BDP1: variants seen among roughly 807,000 people sequenced by gnomAD.
The protein encoded by BDP1 is transcription factor TFIIIB component B'' homolog.
A neutral mutation model predicts 266.6 loss-of-function variants in BDP1; 169 were observed. That is an observed-to-expected ratio of 0.63 (90% confidence interval 0.56 to 0.72). The LOEUF (loss-of-function observed/expected upper bound fraction) is 0.72, where lower values mean the gene tolerates loss of function less well. Ranked by LOEUF, BDP1 falls within the 30% of genes least tolerant of loss-of-function variation. The pLI is 0.00. For synonymous variants in BDP1, 1,090 were observed against 1,022.4 expected (o/e 1.07, Z -1.26); for missense variants, 3,015 against 3,053.8 (o/e 0.99, Z 0.30).
At position 71,480,018 on chromosome 5, in the gene BDP1, C is replaced by T. The variant is rs551958070; in HGVS notation, c.1015-3824C>T. On this transcript the variant is annotated intron_variant, in intron 7 of 38. Transcript: ENST00000358731. ...AGAGTATAGTGGCGTGATCTTGGCT[C>T]ACTGCAACCTCCGCCTCCCAGGTTC... Among the ~76,000 whole-genome samples the T allele has an allele frequency of 6.6e-5, 10 of 152,066 alleles. No homozygotes were observed. The South Asian group carries it at 1.0e-3, about 16-fold the overall frequency.
chr5:71,573,498 A>C, the BDP1 span, among the ~76,000 whole-genome samples: 18 of 152,310 alleles, frequency 1.2e-4, no homozygotes, highest in Non-Finnish European at 2.9e-5. Flanking sequence ...TTGTTGAAGG[A>C]ATTAAAAGTG....
chr5:71,560,509 G>C (rs1373631331), intron 37 of BDP1, among the ~76,000 whole-genome samples: 2 of 152,078 alleles, frequency 1.3e-5, no homozygotes, highest in Admixed American at 1.3e-4. Flanking sequence ...TGGTTATTTT[G>C]ATCATTACAT....
chr5:71,531,860 G>A (rs768751468), intron 25 of BDP1, among the ~76,000 whole-genome samples: 19 of 152,166 alleles, frequency 1.2e-4, no homozygotes, highest in Non-Finnish European at 1.3e-4. Flanking sequence ...ATTTATGACC[G>A]TATATAATTA....
intron 34 of BDP1, among the ~76,000 whole-genome samples, chr5:71,552,876 A>G (rs1295006864): frequency 6.6e-6 from 1 of 152,096 alleles, no homozygotes; most frequent in Non-Finnish European, 1.5e-5. Context: ...ATTTAATTCA[A>G]TACTATGGAA....
downstream of BDP1, among the ~76,000 whole-genome samples, chr5:71,571,631 A>ATT (rs1271310895): frequency 9.2e-5 from 10 of 108,504 alleles, no homozygotes; most frequent in Non-Finnish European, 1.4e-4. Context: ...GTTTATTTTA[A>ATT]TTAATTATTT....
At chr5:71,553,426 AT>A (rs1408154335) in intron 35 of BDP1, 106 bp downstream of exon 35, 2 of 679,220 alleles carry the variant, frequency 2.9e-6, no homozygotes, top group East Asian at 5.6e-5. Flanking sequence ...ACTTTTAGAT[AT>A]ATATAAAGAT....
At chr5:71,515,325 T>G (rs1339136175) in intron 20 of BDP1, among the ~76,000 whole-genome samples, 1 of 152,216 alleles carries the variant, frequency 6.6e-6, no homozygotes, top group Non-Finnish European at 1.5e-5. Flanking sequence ...ATCTGCATTG[T>G]CAGCTGCGTA....
Position 71,559,969 on chromosome 5 carries a change from C to T in BDP1, c.7241-13C>T, listed in dbSNP as rs567415621. ...TCAGTATCCTTGCTTTCCATTTGCT[C>T]TTTTTTTTGAAGGGGAGTCTCACAA... On this transcript the variant is annotated splice_polypyrimidine_tract_variant and intron_variant, in intron 36 of 38. Transcript: ENST00000358731. 4.4e-5 allele frequency: 71 copies of T among 1,609,512 alleles called. 1 individual carries two copies. The East Asian group carries it at 6.2e-4, about 14-fold the overall frequency.
At chr5:71,547,232 T>G (rs1305985704) in intron 32 of BDP1, among the ~76,000 whole-genome samples, 1 of 152,096 alleles carries the variant, frequency 6.6e-6, no homozygotes, top group East Asian at 1.9e-4. Flanking sequence ...CTCCTTATTT[T>G]CCTTTAATCT....
rs113780254 is a variant in BDP1, at chr5:71,469,762, C to T, written c.920-633C>T. Among the ~76,000 whole-genome samples, 744 of 147,564 alleles carry T rather than the reference C, an allele frequency of 5.0e-3. 7 individuals carry two copies. The highest frequency in any genetic ancestry group is 0.017 in the African/African-American group (695 of 39,950). On this transcript the variant is annotated intron_variant, in intron 6 of 38. Transcript: ENST00000358731. ...CCCAGTAGCTGGGATTACAGGTGCA[C>T]GCCACCACGCCCAGCTCATTTTTTT...
Position 71,491,060 on chromosome 5 carries a change from CAT to C in BDP1, c.1571_1572del (p.Ile524ArgfsTer10). ...KEQMLSCTQN[I>X]DGIVGFASTE... ...AGCAGATGCTTTCCTGCACACAAAA[CAT>C]AGATGGCATTGTGGGTTTTGCCTCC... On this transcript the variant is annotated frameshift_variant, in exon 11 of 39. Transcript: ENST00000358731. LOFTEE classifies it high-confidence loss of function. 1 of 1,614,068 alleles carries C rather than the reference CAT, an allele frequency of 6.2e-7. No individual in the cohort carries two copies. The highest frequency in any genetic ancestry group is 8.5e-7 in the Non-Finnish European group (1 of 1,179,948).
At chr5:71,493,385 G>A (rs1344307887) in intron 11 of BDP1, among the ~76,000 whole-genome samples, 1 of 152,010 alleles carries the variant, frequency 6.6e-6, no homozygotes, top group Non-Finnish European at 1.5e-5. Context: ...TCAGCATCTC[G>A]AGTAGCTGGG....
intron 34 of BDP1, among the ~76,000 whole-genome samples, chr5:71,552,736 G>C (rs868090386): frequency 1.9e-3 from 289 of 152,376 alleles, no homozygotes; most frequent in African/African-American, 6.4e-3. Flanking sequence ...AGGAGAACCA[G>C]GCAGGGAGGC....
At chr5:71,526,031 C>A (rs62360643) in intron 25 of BDP1, among the ~76,000 whole-genome samples, 1 of 152,020 alleles carries the variant, frequency 6.6e-6, no homozygotes, top group African/African-American at 2.4e-5. Flanking sequence ...ACTTCCCAGA[C>A]GGGGTGGCGG....
chr5:71,508,814 G>T (rs1450943065), intron 16 of BDP1, among the ~76,000 whole-genome samples: 2 of 152,206 alleles, frequency 1.3e-5, no homozygotes, highest in Admixed American at 6.5e-5. Flanking sequence ...TGGAGAGCAA[G>T]GTGCTTGCTT....
intron 24 of BDP1, 82 bp from the exon 25 acceptor site, chr5:71,523,857 A>C: frequency 1.5e-6 from 2 of 1,349,964 alleles, no homozygotes; most frequent in Non-Finnish European, 2.0e-6. Flanking sequence ...CTGGAACTGG[A>C]ATTTCACTCT....
At chr5:71,520,137 AT>A (rs1765424741) in intron 22 of BDP1, among the ~76,000 whole-genome samples, 1 of 152,044 alleles carries the variant, frequency 6.6e-6, no homozygotes, top group Non-Finnish European at 1.5e-5. Flanking sequence ...TCTTTTGCCT[AT>A]TCTTTAATCA....
Position 71,513,122 on chromosome 5 carries a change from T to C in BDP1, c.4248-63T>C, listed in dbSNP as rs1263740717. 10 of 1,145,888 alleles carry C rather than the reference T, an allele frequency of 8.7e-6. No individual in the cohort carries two copies. In the East Asian group the frequency reaches 2.4e-4, roughly 27 times the overall value. 71.0% of individuals were successfully genotyped at this position (1,145,888 alleles called of 1,614,324 possible). On this transcript the variant is annotated intron_variant, in intron 18 of 38. Coordinates refer to ENST00000358731, the MANE Select transcript of BDP1 (RefSeq NM_018429.3). ...TTACCGCCAGTCTCTAAGGTTGTACTGAGACTCCGTTTCCACTGCCCCTTC... is the reference window on the plus strand; with the variant it reads ...TTACCGCCAGTCTCTAAGGTTGTACCGAGACTCCGTTTCCACTGCCCCTTC...
Position 71,491,135 on chromosome 5 carries a change from T to C in BDP1, c.1640+4T>C, listed in dbSNP as rs755589527. On this transcript the variant is annotated splice_donor_region_variant and intron_variant, in intron 11 of 38. Transcript: ENST00000358731. ...CTGACCCCATCCTTTCATTAAGGTA[T>C]TTTCTGTGTCTTTTCTGGTTTTATC... is the stretch of plus-strand genomic sequence containing the variant. The C allele has an allele frequency of 1.2e-6, 2 of 1,613,434 alleles. No homozygotes were observed. The highest frequency in any genetic ancestry group is 2.2e-5 in the South Asian group (2 of 90,918).
Sources: allele counts gnomAD v4.1 joint callset (sites outside exome capture counted in the v4.1 genomes callset), GRCh38; gene constraint gnomAD v4.1.1; transcripts MANE v1.5; gene names NCBI Gene and HGNC (gene_info 2026-07-23, HGNC 2026-07-21).